GGT5: variants seen among roughly 807,000 people sequenced by gnomAD.
GGT5 encodes glutathione hydrolase 5 proenzyme.
GGT5 carries 50 observed loss-of-function variants against 58.1 expected under a neutral mutation model. The ratio of observed to expected loss-of-function variants is 0.86; its 90% CI spans 0.69 to 1.09. The LOEUF is 1.09. Among genes scored for constraint, GGT5 ranks in the 50% least tolerant of loss-of-function variants. The probability of loss-of-function intolerance (pLI) is 0.00; values close to 1 mark genes in which losing one functional copy is unlikely to be tolerated. For synonymous variants in GGT5, 370 were observed against 346.1 expected, an observed-to-expected ratio of 1.07 and a Z score of -0.77; for missense variants, 800 against 789.4, an observed-to-expected ratio of 1.01 and a Z score of -0.16.
At position 24,226,202 on chromosome 22, in the gene GGT5, C is replaced by G. The variant is rs754711430; in HGVS notation, c.1103G>C (p.Arg368Pro). Reference protein sequence around the residue: ...AQLIRQQIDGRGDHQLSHYSL... With the variant: ...AQLIRQQIDGPGDHQLSHYSL... ...GTAGTGGCTGAGCTGGTGGTCCCCC[C>G]GGCCATCGATCTGTTGGCGGATGAG... Residue 368 changes from arginine (R) to proline (P), a missense_variant, in exon 8 of 12, where the codon CGG becomes CCG. Arg to Pro is a moderately radical substitution (Grantham distance 103). Coordinates refer to ENST00000327365, the MANE Select transcript of GGT5 (RefSeq NM_004121.5). 11 of 1,609,824 alleles carry G rather than the reference C, an allele frequency of 6.8e-6. No homozygotes were observed. In the East Asian group the frequency reaches 2.2e-4, roughly 33 times the overall value.
At position 24,231,533 on chromosome 22, in the gene GGT5, G is replaced by A. The variant is rs112592383; in HGVS notation, c.755-3C>T. On this transcript the variant is annotated splice_polypyrimidine_tract_variant and splice_region_variant and intron_variant, in intron 5 of 11. Coordinates refer to ENST00000327365, the MANE Select transcript of GGT5 (RefSeq NM_004121.5). Reference sequence around the variant, plus strand: ...GTCCTGCAGCGTCAGCTGGCTCCCTGGGATGAGAAGGAGAGGGCTCCATGA... The same window carrying A: ...GTCCTGCAGCGTCAGCTGGCTCCCTAGGATGAGAAGGAGAGGGCTCCATGA... 1.9e-6 allele frequency: 3 copies of A among 1,587,892 alleles called. No individual in the cohort carries two copies. The highest frequency in any genetic ancestry group is 2.6e-6 in the Non-Finnish European group (3 of 1,167,270).
chr22:24,239,819 C>G (rs572080033), intron 1 of GGT5, among the ~76,000 whole-genome samples: 5 of 151,928 alleles, frequency 3.3e-5, no homozygotes, highest in Middle Eastern at 3.4e-3. Flanking sequence ...TGGTGGCTCA[C>G]GCCTGTAATC....
chr22:24,224,151 G>C (rs1189427886), intron 11 of GGT5, among the ~76,000 whole-genome samples: 1 of 152,108 alleles, frequency 6.6e-6, no homozygotes, highest in Non-Finnish European at 1.5e-5. Context: ...TAAGGATAGA[G>C]GGGGAGTCAG....
chr22:24,225,408 C>A lies in GGT5; in HGVS notation c.1340G>T (p.Ser447Ile). Residue 447 changes from serine (S) to isoleucine (I), a missense_variant, in exon 10 of 12, where the codon AGT becomes ATT. Ser to Ile is a moderately radical substitution (Grantham distance 142). Transcript: ENST00000327365. The stretch of plus-strand genomic sequence containing the variant: ...GGGAGCTCCACCCACCCTGTCTCCA[C>A]TCACTGCTGAGCAAACAGCGTCTTG... ...RGSGTTPSPVSGDRVGGAPGR... is the reference protein window; with the variant it reads ...RGSGTTPSPVIGDRVGGAPGR... 6.2e-7 allele frequency: 1 copy of A among 1,605,934 alleles called. No individual in the cohort carries two copies. The highest frequency in any genetic ancestry group is 1.7e-4 in the Middle Eastern group (1 of 6,020).
intron 11 of GGT5, among the ~76,000 whole-genome samples, chr22:24,224,585 A>G (rs1320367612): frequency 6.6e-6 from 1 of 152,156 alleles, no homozygotes; most frequent in Non-Finnish European, 1.5e-5. Flanking sequence ...GAAGAAAATC[A>G]CTTTACAGAC....
intron 6 of GGT5, 88 bp from the exon 7 acceptor site, chr22:24,226,855 AC>A: frequency 9.1e-7 from 1 of 1,100,318 alleles, no homozygotes; most frequent in Non-Finnish European, 1.4e-6. Context: ...AGAAAGATCC[AC>A]CCACATCCTA....
chr22:24,232,559 C>T (rs1472264051), intron 4 of GGT5, among the ~76,000 whole-genome samples: 2 of 150,802 alleles, frequency 1.3e-5, no homozygotes, highest in Admixed American at 6.6e-5. Context: ...AGAAGGAGGC[C>T]GGGGCCCCAG....
chr22:24,236,340 A>T (rs1446736090), intron 1 of GGT5, among the ~76,000 whole-genome samples: 1 of 151,842 alleles, frequency 6.6e-6, no homozygotes, highest in East Asian at 1.9e-4. Context: ...CCCACCAGTG[A>T]CTCTGGATGC....
At chr22:24,227,030 T>A (rs950466537) in intron 6 of GGT5, among the ~76,000 whole-genome samples, 1 of 144,002 alleles carries the variant, frequency 6.9e-6, no homozygotes. Flanking sequence ...CTCACTGCAA[T>A]CTCTGCCTCC....
At chr22:24,231,930 G>A (rs1405613203) in intron 5 of GGT5, 121 bp downstream of exon 5, 3 of 805,684 alleles carry the variant, frequency 3.7e-6, no homozygotes, top group Non-Finnish European at 6.0e-6. Context: ...GGCCTCTCGG[G>A]GTCCCGGGCA....
intron 1 of GGT5, chr22:24,244,347 T>TCA (rs1281207731): frequency 5.4e-5 from 29 of 538,980 alleles, no homozygotes; most frequent in Non-Finnish European, 9.6e-5. Context: ...CCACACACAA[T>TCA]CACACACATT....
intron 1 of GGT5, 92 bp from the exon 2 acceptor site, chr22:24,234,096 C>A: frequency 7.6e-7 from 1 of 1,311,008 alleles, no homozygotes; most frequent in Non-Finnish European, 1.1e-6. Flanking sequence ...AGAATGGTGA[C>A]GGAGGCGGCA....
intron 6 of GGT5, among the ~76,000 whole-genome samples, chr22:24,229,519 G>A (rs534562952): frequency 6.3e-4 from 95 of 151,704 alleles, no homozygotes; most frequent in Non-Finnish European, 1.1e-3. Context: ...TGTGTGATGG[G>A]TGCATCAAGA....
chr22:24,234,489 C>A (rs1180140568), intron 1 of GGT5, among the ~76,000 whole-genome samples: 1 of 152,138 alleles, frequency 6.6e-6, no homozygotes, highest in Non-Finnish European at 1.5e-5. Flanking sequence ...AGCTGATGGA[C>A]CCCAAAACTT....
chr22:24,220,370 A>G (rs1259110145), intron 11 of GGT5: 1 of 609,264 alleles, frequency 1.6e-6, no homozygotes, highest in Non-Finnish European at 3.0e-6. Flanking sequence ...ATGCAAGTTC[A>G]TGTCTGTTCT....
rs991723402 is a variant in GGT5, at chr22:24,231,584, G to A, written c.755-54C>T. 2.6e-6 allele frequency: 4 copies of A among 1,539,100 alleles called. No homozygotes were observed. In the Admixed American group the frequency reaches 7.6e-5, roughly 29 times the overall value. On this transcript the variant is annotated intron_variant, in intron 5 of 11. Transcript: ENST00000327365. ...ACAGATGGGAAACTGAGGCGGGGAG[G>A]AATAGCCACTGCTGTCAGGTCACAC... is the stretch of plus-strand genomic sequence containing the variant.
chr22:24,238,830 TATTTATA>T lies in GGT5; in HGVS notation c.174-4833_174-4827del, dbSNP rs1374700193. On this transcript the variant is annotated intron_variant, in intron 1 of 11. Transcript: ENST00000327365. ...ATAATATATTATATATATATATATA[TATTTATA>T]TATATATATTATATATATTATATAT... Among the ~76,000 whole-genome samples the T allele has an allele frequency of 3.0e-3, 33 of 10,840 alleles. 2 individuals are homozygous for T. The highest frequency in any genetic ancestry group is 4.0e-3 in the Non-Finnish European group (30 of 7,408). The allele number at this position is 10,840 out of a possible 152,430, so 7.1% of individuals were successfully genotyped here.
intron 11 of GGT5, among the ~76,000 whole-genome samples, chr22:24,221,658 C>A (rs879551187): frequency 6.6e-6 from 1 of 152,154 alleles, no homozygotes; most frequent in African/African-American, 2.4e-5. Context: ...ATTACAGATG[C>A]CTGCCACTTT....
In GGT5 at chr22:24,233,600, TAGGGC is replaced by T; in HGVS notation, c.305-12_305-8del. 1 of 1,577,482 alleles carries T rather than the reference TAGGGC, an allele frequency of 6.3e-7. No homozygotes were observed. The highest frequency in any genetic ancestry group is 8.7e-7 in the Non-Finnish European group (1 of 1,152,872). ...TTGATGACCTCCACCTTCCCTGGAG[TAGGGC>T]AGGGCAGGTGAGTGGTCATGGACCC... is the stretch of plus-strand genomic sequence containing the variant. On this transcript the variant is annotated splice_region_variant and splice_polypyrimidine_tract_variant and intron_variant, in intron 2 of 11. Coordinates refer to ENST00000327365, the MANE Select transcript of GGT5 (RefSeq NM_004121.5).
Sources: allele counts gnomAD v4.1 joint callset (sites outside exome capture counted in the v4.1 genomes callset), GRCh38; gene constraint gnomAD v4.1.1; transcripts MANE v1.5; gene names NCBI Gene and HGNC (gene_info 2026-07-23, HGNC 2026-07-21).